The following USP40 variants were observed in gnomAD, a reference collection of about 807,000 sequenced individuals.
USP40 encodes the protein ubiquitin carboxyl-terminal hydrolase 40.
USP40 carries 143 observed loss-of-function variants against 166.2 expected under a neutral mutation model. That is an observed-to-expected ratio of 0.86 (90% confidence interval 0.75 to 0.99). The LOEUF is 0.99. Ranked by LOEUF, USP40 falls within the 50% of genes least tolerant of loss-of-function variation. The pLI, the probability that USP40 is intolerant of heterozygous loss-of-function variation, is 0.00. For synonymous variants in USP40, 498 were observed against 524.0 expected (o/e 0.95, Z 0.68); for missense variants, 1,444 against 1,479.7 (o/e 0.98, Z 0.40).
intron 25 of USP40, among the ~76,000 whole-genome samples, chr2:233,492,030 A>T (rs2065380728): frequency 6.6e-6 from 1 of 152,254 alleles, no homozygotes; most frequent in Non-Finnish European, 1.5e-5. Context: ...ACACTACCGG[A>T]AAGATAATTT....
chr2:233,547,837 C>T (rs2070131134), intron 8 of USP40, among the ~76,000 whole-genome samples: 1 of 152,118 alleles, frequency 6.6e-6, no homozygotes, highest in Admixed American at 6.6e-5. Flanking sequence ...TATGTGCACA[C>T]ACATGTGTAT....
chr2:233,510,842 T>A (rs79126546), intron 20 of USP40, among the ~76,000 whole-genome samples: 1,939 of 152,222 alleles, frequency 0.013, 39 homozygotes, highest in East Asian at 0.084. Flanking sequence ...CTGCCAAGGG[T>A]TTCAAATATT....
chr2:233,557,422 A>C (rs75756276), intron 4 of USP40, among the ~76,000 whole-genome samples: 1,946 of 152,394 alleles, frequency 0.013, 39 homozygotes, highest in East Asian at 0.084. Flanking sequence ...CCGAATTATC[A>C]ACAATAGAAA....
chr2:233,503,912 C>A (rs1439959816), intron 21 of USP40, among the ~76,000 whole-genome samples: 2 of 152,072 alleles, frequency 1.3e-5, no homozygotes, highest in Admixed American at 1.3e-4. Flanking sequence ...ATTTATCAAT[C>A]CTCTTCCATG....
At chr2:233,542,626 C>T (rs2069527039) in intron 8 of USP40, 2 of 301,504 alleles carry the variant, frequency 6.6e-6, no homozygotes, top group South Asian at 1.3e-4. Context: ...TGCAGTAGGC[C>T]GTGATTGCGC....
intron 11 of USP40, among the ~76,000 whole-genome samples, chr2:233,531,279 T>C (rs1266206211): frequency 6.6e-6 from 1 of 152,228 alleles, no homozygotes; most frequent in African/African-American, 2.4e-5. Flanking sequence ...TTTATAAATA[T>C]GTTTTTACTG....
At chr2:233,521,140 A>T in intron 16 of USP40, 26 bp from the exon 17 acceptor site, 1 of 1,598,312 alleles carries the variant, frequency 6.3e-7, no homozygotes, top group Non-Finnish European at 8.5e-7. Flanking sequence ...AAAGATCAGA[A>T]ATTAATACCT....
chr2:233,515,256 T>G (rs551121118), intron 18 of USP40, among the ~76,000 whole-genome samples: 1 of 152,326 alleles, frequency 6.6e-6, no homozygotes, highest in African/African-American at 2.4e-5. Flanking sequence ...TACCTAGACG[T>G]AGAATTGGTA....
chr2:233,525,404 T>A, intron 14 of USP40, 74 bp downstream of exon 14: 1 of 1,060,490 alleles, frequency 9.4e-7, no homozygotes, highest in Non-Finnish European at 1.4e-6. Flanking sequence ...TGACAAAGAG[T>A]AGAAAATCGC....
chr2:233,517,332 C>T (rs1182222591), intron 18 of USP40, among the ~76,000 whole-genome samples: 1 of 150,754 alleles, frequency 6.6e-6, no homozygotes, highest in Non-Finnish European at 1.5e-5. Context: ...GGTATCTACC[C>T]AGAAGAAAAG....
chr2:233,559,418 T>G (rs558727974), intron 4 of USP40, among the ~76,000 whole-genome samples: 1 of 152,220 alleles, frequency 6.6e-6, no homozygotes, highest in Non-Finnish European at 1.5e-5. Flanking sequence ...TTACTTACAA[T>G]GTAATTGATC....
chr2:233,549,668 G>T (rs2070368607), intron 7 of USP40, among the ~76,000 whole-genome samples: 1 of 151,646 alleles, frequency 6.6e-6, no homozygotes, highest in African/African-American at 2.4e-5. Context: ...TATATATCTA[G>T]TTGAAATTGT....
Position 233,551,506 on chromosome 2 carries a change from C to T in USP40, c.707G>A (p.Arg236His), listed in dbSNP as rs749416722. 41 of 1,594,388 alleles carry T rather than the reference C, an allele frequency of 2.6e-5. No homozygotes were observed. The highest frequency in any genetic ancestry group is 3.1e-5 in the Non-Finnish European group (36 of 1,173,260). Residue 236 changes from arginine to histidine, a missense_variant, in exon 7 of 32, where the codon CGT (arginine) becomes CAT (histidine). Coordinates refer to ENST00000678225, the MANE Select transcript of USP40 (RefSeq NM_001365479.2). ...AACAGTAAGAAAAGGAGGCAGCTTA[C>T]GTAATTTGGCCGACTGTTAAAAGAA... The part of the protein sequence containing the change: ...LVKAAKSAKL[R>H]KLPPFLTVSL...
At position 233,521,056 on chromosome 2, in the gene USP40, C is replaced by A; in HGVS notation, c.2260G>T (p.Val754Phe). The A allele has an allele frequency of 6.2e-7, 1 of 1,613,388 alleles. No individual in the cohort carries two copies. Among genetic ancestry groups the A allele is most frequent in the South Asian group, 1.1e-5 (1 of 90,996 alleles). The change falls in exon 17 of 32, where the codon GTT becomes TTT. Residue 754 changes from valine (V) to phenylalanine (F), a missense_variant. Physicochemically the swap from Val to Phe is conservative, Grantham distance 50. Transcript: ENST00000678225. ...TSMNEIDWLH[V>F]KNLCQLESEE... ...GATTCTAACTGGCATAAATTTTTAACGTGGAGCCAGTCAATCTCATTCATA... is the reference window on the plus strand; with the variant it reads ...GATTCTAACTGGCATAAATTTTTAAAGTGGAGCCAGTCAATCTCATTCATA...
intron 9 of USP40, among the ~76,000 whole-genome samples, chr2:233,541,888 T>C (rs370337489): frequency 6.6e-6 from 1 of 152,280 alleles, no homozygotes; most frequent in East Asian, 1.9e-4. Context: ...TGGTTTAAAA[T>C]GACAATAATA....
intron 18 of USP40, among the ~76,000 whole-genome samples, chr2:233,517,486 G>A (rs995265354): frequency 8.7e-5 from 13 of 149,978 alleles, no homozygotes; most frequent in East Asian, 3.9e-4. Context: ...CCGGGTTCAC[G>A]CCATTCTCCA....
Position 233,493,619 on chromosome 2 carries a change from T to C in USP40, c.2791-68A>G. ...AAGTGAAACTCTACTTTTACTTCCA[T>C]AGAAAGAAACACCTTGATGACCTAA... On this transcript the variant is annotated intron_variant, in intron 24 of 31. Transcript: ENST00000678225. This position sits in a 1 kb window ranked among gnomAD's most constrained non-coding sequence, Gnocchi z 4.7. The C allele has an allele frequency of 6.7e-7, 1 of 1,484,414 alleles. No individual in the cohort carries two copies. Among genetic ancestry groups the C allele is most frequent in the Non-Finnish European group, 9.0e-7 (1 of 1,109,226 alleles). The allele number at this position is 1,484,414 out of a possible 1,614,324, so 92.0% of individuals were successfully genotyped here.
rs567241511 is a variant in USP40 at position 233,540,651 on chromosome 2, C to G, written c.1170+11G>C. 17 of 1,574,882 alleles carry G rather than the reference C, an allele frequency of 1.1e-5. No homozygotes were observed. The Admixed American group carries it at 1.4e-4, about 13-fold the overall frequency. ...GGGACTAGGACTTCCCAAAACGATGCCATGTATTACCTTCCGCAGTGGTCC... is the reference window on the plus strand; with the variant it reads ...GGGACTAGGACTTCCCAAAACGATGGCATGTATTACCTTCCGCAGTGGTCC... On this transcript the variant is annotated intron_variant, in intron 10 of 31. Transcript: ENST00000678225.
intron 21 of USP40, 138 bp downstream of exon 21, chr2:233,509,911 G>T: frequency 3.5e-6 from 2 of 571,950 alleles, no homozygotes; most frequent in Non-Finnish European, 3.1e-6. Context: ...TTCCTCTAGT[G>T]AGTACATATA....
Sources: allele counts gnomAD v4.1 joint callset (sites outside exome capture counted in the v4.1 genomes callset), GRCh38; gene constraint gnomAD v4.1.1; non-coding constraint Gnocchi (gnomAD v3.1); transcripts MANE v1.5; gene names NCBI Gene and HGNC (gene_info 2026-07-23, HGNC 2026-07-21).